Variants in SNTG2 observed in about 807,000 individuals in gnomAD.
The protein encoded by SNTG2 is syntrophin gamma 2.
A neutral mutation model predicts 70.9 loss-of-function variants in SNTG2; 74 were observed. The observed-to-expected ratio is 1.04, with a 90% CI of 0.86 to 1.27. The LOEUF is 1.27. SNTG2 is among the 50% of genes most tolerant of loss of function. The pLI, the probability that SNTG2 is intolerant of heterozygous loss-of-function variation, is 0.00. For missense variants in SNTG2, 717 were observed against 690.7 expected (o/e 1.04, Z -0.43); for synonymous variants, 278 against 273.8 (o/e 1.02, Z -0.15).
intron 8 of SNTG2, among the ~76,000 whole-genome samples, chr2:1,177,167 A>G (rs913599756): frequency 1.3e-5 from 2 of 152,204 alleles, no homozygotes; most frequent in Admixed American, 6.5e-5. Context: ...GAGCAAGACT[A>G]TGTCCTTTGC....
chr2:1,160,324 T>G (rs1670186438), intron 6 of SNTG2: 2 of 152,168 alleles, frequency 1.3e-5, no homozygotes, highest in Admixed American at 1.3e-4. Context: ...CTCTGAGGTG[T>G]CAAACTAGGG....
intron 7 of SNTG2, among the ~76,000 whole-genome samples, chr2:1,169,153 A>G (rs1389086914): frequency 1.3e-5 from 2 of 152,176 alleles, no homozygotes; most frequent in African/African-American, 4.8e-5. Context: ...GTGACCATAC[A>G]GGCTCACGAA....
intron 7 of SNTG2, among the ~76,000 whole-genome samples, chr2:1,169,045 T>C (rs1029592269): frequency 2.0e-5 from 3 of 151,904 alleles, no homozygotes; most frequent in African/African-American, 7.3e-5. Context: ...GACTCAGGTG[T>C]CAGACGCACA....
intron 1 of SNTG2, among the ~76,000 whole-genome samples, chr2:1,040,778 G>C (rs1661392213): frequency 6.6e-6 from 1 of 152,220 alleles, no homozygotes; most frequent in Non-Finnish European, 1.5e-5. Flanking sequence ...TAATGACAGT[G>C]TAAGTAGCAG....
intron 1 of SNTG2, among the ~76,000 whole-genome samples, chr2:975,597 T>C (rs1054393565): frequency 6.6e-6 from 1 of 152,178 alleles, no homozygotes; most frequent in Non-Finnish European, 1.5e-5. Flanking sequence ...CAGAACCCTC[T>C]ACATACCTAC....
chr2:960,070 A>G (rs976716070), intron 1 of SNTG2, among the ~76,000 whole-genome samples: 2 of 152,156 alleles, frequency 1.3e-5, no homozygotes, highest in Non-Finnish European at 2.9e-5. Flanking sequence ...ATATCCATCA[A>G]TTACCATCAT....
rs1350757381 is a variant in SNTG2, at chr2:1,065,763, T to C, written c.73-17755T>C. ...CGTTTAGCTAAATGGCCATATTAAA[T>C]AGATATTCTGGAAAGAGTCTTGTGT... is the stretch of plus-strand genomic sequence containing the variant. On this transcript the variant is annotated intron_variant, in intron 1 of 16. Coordinates refer to ENST00000308624, the MANE Select transcript of SNTG2 (RefSeq NM_018968.4). Among the ~76,000 whole-genome samples, 3 of 152,336 alleles carry C rather than the reference T, an allele frequency of 2.0e-5. No individual in the cohort carries two copies. In the South Asian group the frequency reaches 6.2e-4, roughly 32 times the overall value.
chr2:1,326,600 TC>T (rs111387204), intron 16 of SNTG2, among the ~76,000 whole-genome samples: 1 of 151,760 alleles, frequency 6.6e-6, no homozygotes, highest in Non-Finnish European at 1.5e-5. Flanking sequence ...TCTGTCACTC[TC>T]CCCCCCACCC....
intron 4 of SNTG2, among the ~76,000 whole-genome samples, chr2:1,135,947 C>T (rs371925068): frequency 4.1e-4 from 63 of 152,176 alleles, no homozygotes; most frequent in African/African-American, 1.4e-3. Context: ...GTTTCCCATG[C>T]GTCAGGTAGG....
At chr2:991,227 CTA>C (rs1661480210) in intron 1 of SNTG2, among the ~76,000 whole-genome samples, 2 of 152,062 alleles carry the variant, frequency 1.3e-5, no homozygotes, top group Admixed American at 1.3e-4. Flanking sequence ...CCCTGAAAGT[CTA>C]TGTATTAATG....
intron 8 of SNTG2, among the ~76,000 whole-genome samples, chr2:1,197,529 G>GTACGTATATATA (rs1317376391): frequency 9.7e-6 from 1 of 102,944 alleles, no homozygotes; most frequent in African/African-American, 3.4e-5. Context: ...GTGTGTGTGT[G>GTACGTATATATA]TGTGTGTGTG....
At chr2:1,311,748 A>C (rs187348717) in intron 15 of SNTG2, among the ~76,000 whole-genome samples, 1 of 152,372 alleles carries the variant, frequency 6.6e-6, no homozygotes. Flanking sequence ...ATTATAAAAA[A>C]ATCAAATAGA....
chr2:1,274,353 A>G (rs922758804), intron 14 of SNTG2, among the ~76,000 whole-genome samples: 1 of 152,258 alleles, frequency 6.6e-6, no homozygotes, highest in East Asian at 1.9e-4. Context: ...TGATGTAGGA[A>G]TCTATCAAAA....
chr2:1,048,452 C>CTA (rs1190179269), intron 1 of SNTG2, among the ~76,000 whole-genome samples: 2 of 151,870 alleles, frequency 1.3e-5, no homozygotes, highest in Non-Finnish European at 2.9e-5. Context: ...AGATAGATAT[C>CTA]TATATATATA....
In SNTG2 at chr2:1,342,339, T is replaced by C. The variant is rs1195345436; in HGVS notation, c.1489-25004T>C. 2.7e-5 allele frequency among the ~76,000 whole-genome samples: 3 copies of C among 110,820 alleles called. No individual in the cohort carries two copies. In the Admixed American group the frequency reaches 2.8e-4, roughly 10 times the overall value. 72.7% of individuals were successfully genotyped at this position (110,820 alleles called of 152,430 possible). On this transcript the variant is annotated intron_variant, in intron 16 of 16. Transcript: ENST00000308624. ...TTTAATTTGGGAAGCAGGACATGCA[T>C]AGGAAGAGTGGACTGGCACTTTTCC...
At chr2:1,099,327 C>T (rs1193032875) in intron 4 of SNTG2, among the ~76,000 whole-genome samples, 1 of 152,168 alleles carries the variant, frequency 6.6e-6, no homozygotes, top group African/African-American at 2.4e-5. Context: ...ACCTCATGTG[C>T]CTCACACCGG....
Position 1,006,039 on chromosome 2 carries a change from A to T in SNTG2, c.72+54971A>T, listed in dbSNP as rs192195702. On this transcript the variant is annotated intron_variant, in intron 1 of 16. Coordinates refer to ENST00000308624, the MANE Select transcript of SNTG2 (RefSeq NM_018968.4). ...TATTTGAAAACTCTGGAAATTGGAA[A>T]TCATCATTCTCAGTAAACTATTGCA... Among the ~76,000 whole-genome samples the T allele has an allele frequency of 3.4e-3, 517 of 151,152 alleles. 4 individuals are homozygous for T. Among genetic ancestry groups the T allele is most frequent in the African/African-American group, 0.011 (453 of 41,172 alleles).
intron 1 of SNTG2, among the ~76,000 whole-genome samples, chr2:1,036,290 T>G (rs1174382330): frequency 6.6e-6 from 1 of 151,976 alleles, no homozygotes. Flanking sequence ...TTTTTCTTTA[T>G]TTTTTTTCAA....
chr2:1,150,425 G>C (rs1430742589), intron 6 of SNTG2, among the ~76,000 whole-genome samples: 1 of 152,204 alleles, frequency 6.6e-6, no homozygotes, highest in African/African-American at 2.4e-5. Context: ...CAGTGGGCAG[G>C]CCTGGGCACA....
Sources: gnomAD v4.1 joint callset for allele counts (sites outside exome capture counted in the v4.1 genomes callset) on GRCh38, gnomAD v4.1.1 for gene constraint, MANE v1.5 for transcripts, NCBI Gene and HGNC (gene_info 2026-07-23, HGNC 2026-07-21) for gene names.